The following ZHX2 variants were observed in gnomAD, a reference collection of about 807,000 sequenced individuals.
The protein encoded by ZHX2 is zinc fingers and homeoboxes 2, also known as zinc fingers and homeoboxes protein 2.
ZHX2 carries 6 observed loss-of-function variants against 21.9 expected under a neutral mutation model. The observed-to-expected ratio is 0.27, with a 90% confidence interval of 0.15 to 0.54. The LOEUF is 0.54. Ranked by LOEUF, ZHX2 falls within the 20% of genes least tolerant of loss-of-function variation. The pLI is 0.95. For synonymous variants in ZHX2, 434 were observed against 437.1 expected (o/e 0.99, Z 0.09); for missense variants, 908 against 1,090.7 (o/e 0.83, Z 2.36).
intron 2 of ZHX2, among the ~76,000 whole-genome samples, chr8:122,905,809 A>G (rs1820334488): frequency 6.6e-6 from 1 of 152,208 alleles, no homozygotes; most frequent in Non-Finnish European, 1.5e-5. Context: ...TGGCGCAAAC[A>G]TGATTGTATT....
chr8:122,953,889 C>T lies in ZHX2; in HGVS notation c.2379C>T (p.Tyr793=), dbSNP rs373507471. ...ACGAGGAGTCGAGCGTTGTGGATTA[C>T]GTGGAGGTGACGGTCGGGGAGGAGG... ...DENEESSVVD[Y]VEVTVGEEDA... The change falls in exon 3 of 4, where the codon TAC becomes TAT. Residue 793 remains tyrosine (Y), a synonymous_variant. Transcript: ENST00000314393. This position sits in a 1 kb window ranked among gnomAD's most constrained non-coding sequence, Gnocchi z 4.6. 262 of 1,614,108 alleles carry T rather than the reference C, an allele frequency of 1.6e-4. No homozygotes were observed. The highest frequency in any genetic ancestry group is 3.8e-4 in the East Asian group (17 of 44,860).
chr8:122,967,512 C>T (rs1169374274), intron 3 of ZHX2, among the ~76,000 whole-genome samples: 3 of 152,196 alleles, frequency 2.0e-5, no homozygotes, highest in Non-Finnish European at 1.5e-5. Flanking sequence ...ATCTTCAGGT[C>T]TCCCAGTCTT....
chr8:122,846,858 T>C (rs1818761654), intron 1 of ZHX2, among the ~76,000 whole-genome samples: 1 of 152,130 alleles, frequency 6.6e-6, no homozygotes, highest in Non-Finnish European at 1.5e-5. Context: ...GATTTTAGCC[T>C]CATGAAAATC....
intron 1 of ZHX2, among the ~76,000 whole-genome samples, chr8:122,809,949 G>T (rs11776565): frequency 0.19 from 29,331 of 152,056 alleles, 3,119 homozygotes; most frequent in East Asian, 0.28. Flanking sequence ...ATTGGGTAGG[G>T]GGGGTGGAGG....
At chr8:122,791,557 T>C (rs1209971332) in intron 1 of ZHX2, among the ~76,000 whole-genome samples, 2 of 152,130 alleles carry the variant, frequency 1.3e-5, no homozygotes, top group African/African-American at 4.8e-5. Flanking sequence ...CTGATCATAA[T>C]AATAAGTGTG....
intron 1 of ZHX2, among the ~76,000 whole-genome samples, chr8:122,792,717 C>A (rs1340052012): frequency 6.6e-6 from 1 of 152,096 alleles, no homozygotes; most frequent in Non-Finnish European, 1.5e-5. Flanking sequence ...GGAGGAGGAG[C>A]AAGACACACA....
chr8:122,917,118 A>G (rs1422951750), intron 2 of ZHX2, among the ~76,000 whole-genome samples: 3 of 151,950 alleles, frequency 2.0e-5, no homozygotes, highest in Non-Finnish European at 4.4e-5. Flanking sequence ...TGCGTTTCTC[A>G]GGGCTCCCAG....
Position 122,794,412 on chromosome 8 carries a change from G to A in ZHX2, c.-283+12466G>A, listed in dbSNP as rs907646064. ...CAAATTTGTTCATGTTTCACTAACC[G>A]CCTAAAAACCTCTCCTGGTCACTGC... On this transcript the variant is annotated intron_variant, in intron 1 of 3. Coordinates refer to ENST00000314393, the MANE Select transcript of ZHX2 (RefSeq NM_014943.5). Among the ~76,000 whole-genome samples, 5 of 151,876 alleles carry A rather than the reference G, an allele frequency of 3.3e-5. No individual in the cohort carries two copies. The East Asian group carries it at 5.8e-4, about 18-fold the overall frequency.
At position 122,952,755 on chromosome 8, in the gene ZHX2, C is replaced by T; in HGVS notation, c.1245C>T (p.Ala415=). 6.2e-7 allele frequency: 1 copy of T among 1,614,130 alleles called. No homozygotes were observed. The highest frequency in any genetic ancestry group is 1.6e-4 in the Middle Eastern group (1 of 6,062). The change falls in exon 3 of 4, where the codon GCC becomes GCT. Residue 415 remains alanine, a synonymous_variant. Coordinates refer to ENST00000314393, the MANE Select transcript of ZHX2 (RefSeq NM_014943.5). This position sits in a 1 kb window ranked among gnomAD's most constrained non-coding sequence, Gnocchi z 6.9. ...GACCCTTGGTGACTCCCCAAGCTGCCCCCGAACCCAAGCGTCCACACATCG... is the reference window on the plus strand; with the variant it reads ...GACCCTTGGTGACTCCCCAAGCTGCTCCCGAACCCAAGCGTCCACACATCG... ...QKRPLVTPQA[A]PEPKRPHIAQ...
At chr8:122,932,645 T>C (rs933240416) in intron 2 of ZHX2, among the ~76,000 whole-genome samples, 2 of 152,212 alleles carry the variant, frequency 1.3e-5, no homozygotes, top group African/African-American at 4.8e-5. Context: ...AGAAACCTCC[T>C]GTCTCCCTCT....
intron 2 of ZHX2, among the ~76,000 whole-genome samples, chr8:122,937,632 T>G (rs1586404001): frequency 6.6e-6 from 1 of 151,560 alleles, no homozygotes; most frequent in Admixed American, 6.6e-5. Context: ...CAGGCTGGAG[T>G]GCTGTGGCGC....
chr8:122,868,698 CAA>C (rs35306891), intron 2 of ZHX2, among the ~76,000 whole-genome samples: 36,275 of 100,564 alleles, frequency 0.36, 5,503 homozygotes, highest in African/African-American at 0.47. Context: ...AAGACTCCGT[CAA>C]AAAAAAAAAA....
At chr8:122,907,599 A>G (rs1353654148) in intron 2 of ZHX2, among the ~76,000 whole-genome samples, 2 of 152,196 alleles carry the variant, frequency 1.3e-5, no homozygotes, top group African/African-American at 2.4e-5. Context: ...GAAACCTCCC[A>G]GAGGTATTGG....
chr8:122,950,473 T>C (rs568675942), intron 2 of ZHX2, among the ~76,000 whole-genome samples: 2 of 152,198 alleles, frequency 1.3e-5, no homozygotes, highest in East Asian at 3.9e-4. Flanking sequence ...ACCTAATGAA[T>C]GCAGGGCTTA....
Position 122,782,911 on chromosome 8 carries a change from G to C in ZHX2, c.-283+965G>C, listed in dbSNP as rs1235041963. On this transcript the variant is annotated intron_variant, in intron 1 of 3. Coordinates refer to ENST00000314393, the MANE Select transcript of ZHX2 (RefSeq NM_014943.5). The surrounding 1 kb of genome is among the most constrained non-coding windows in gnomAD (Gnocchi z 5.3). ...CTTCTTTGTGGCTTCCCCAGGACTT[G>C]TATCCTCGGCTTTGCAAACTTGCCC... is the stretch of plus-strand genomic sequence containing the variant. 1.3e-5 allele frequency among the ~76,000 whole-genome samples: 2 copies of C among 152,210 alleles called. No individual in the cohort carries two copies. The highest frequency in any genetic ancestry group is 2.9e-5 in the Non-Finnish European group (2 of 68,036).
intron 1 of ZHX2, among the ~76,000 whole-genome samples, chr8:122,802,310 A>C (rs1055045501): frequency 1.3e-5 from 2 of 152,074 alleles, no homozygotes; most frequent in Non-Finnish European, 2.9e-5. Flanking sequence ...TGATCCACCC[A>C]CCTCGGCCTC....
intron 1 of ZHX2, among the ~76,000 whole-genome samples, chr8:122,796,847 A>G (rs1161406698): frequency 1.3e-5 from 2 of 152,166 alleles, no homozygotes; most frequent in Non-Finnish European, 2.9e-5. Flanking sequence ...AAAGCGGGAA[A>G]ATGTGGGAAG....
intron 1 of ZHX2, chr8:122,810,589 CG>C (rs1817906982): frequency 6.6e-6 from 1 of 152,170 alleles, no homozygotes; most frequent in South Asian, 2.1e-4. Context: ...TCTCTGTGGA[CG>C]GCAGGTCCTG....
chr8:122,796,335 C>T lies in ZHX2; in HGVS notation c.-283+14389C>T, dbSNP rs149834885. Among the ~76,000 whole-genome samples the T allele has an allele frequency of 3.0e-3, 454 of 152,314 alleles. 1 individual carries two copies. Among genetic ancestry groups the T allele is most frequent in the Non-Finnish European group, 2.7e-3 (182 of 68,026 alleles). Reference sequence around the variant, plus strand: ...CTTTGGAGGCACGTCTTGTCACTAACACAGCCTCTCATCCTCAAGACACTG... The same window carrying T: ...CTTTGGAGGCACGTCTTGTCACTAATACAGCCTCTCATCCTCAAGACACTG... On this transcript the variant is annotated intron_variant, in intron 1 of 3. Transcript: ENST00000314393.
Sources: gnomAD v4.1 joint callset for allele counts (sites outside exome capture counted in the v4.1 genomes callset) on GRCh38, gnomAD v4.1.1 for gene constraint, Gnocchi (gnomAD v3.1) non-coding constraint, MANE v1.5 for transcripts, NCBI Gene and HGNC (gene_info 2026-07-23, HGNC 2026-07-21) for gene names.